The following SPOCK2 variants were observed in gnomAD, a reference collection of about 807,000 sequenced individuals.
SPOCK2 encodes the protein testican-2.
Under a neutral mutation model 60.1 loss-of-function variants are expected in SPOCK2, and 39 were observed. The ratio of observed to expected loss-of-function variants is 0.65; its 90% confidence interval spans 0.50 to 0.85. The LOEUF (loss-of-function observed/expected upper bound fraction) is 0.85. Ranked by LOEUF, SPOCK2 falls within the 40% of genes least tolerant of loss-of-function variation. The pLI is 0.00. For synonymous variants in SPOCK2, 217 were observed against 231.5 expected (o/e 0.94, Z 0.57); for missense variants, 523 against 567.4 (o/e 0.92, Z 0.80).
chr10:72,067,158 T>TGAATAGCCAG, intron 7 of SPOCK2, 38 bp from the exon 8 acceptor site: 1 of 1,577,638 alleles, frequency 6.3e-7, no homozygotes, highest in Non-Finnish European at 8.6e-7. Context: ...TTCATCTGGC[T>TGAATAGCCAG]ATTCAGCCGT....
At position 72,073,239 on chromosome 10, in the gene SPOCK2, G is replaced by A. The variant is rs115095617; in HGVS notation, c.190-329C>T. On this transcript the variant is annotated intron_variant, in intron 1 of 10. Coordinates refer to ENST00000373109, the MANE Select transcript of SPOCK2 (RefSeq NM_001244950.2). ...CAGATGTCCGAGGTGCCCATGCTGC[G>A]TAGGAACAGAGCTTCTCATGCCTAT... is the stretch of plus-strand genomic sequence containing the variant. Among the ~76,000 whole-genome samples, 1,084 of 152,280 alleles carry A rather than the reference G, an allele frequency of 7.1e-3. 10 individuals are homozygous for A. Among genetic ancestry groups the A allele is most frequent in the African/African-American group, 0.025 (1,023 of 41,552 alleles).
At chr10:72,069,506 G>C (rs1394003885) in intron 5 of SPOCK2, among the ~76,000 whole-genome samples, 1 of 137,186 alleles carries the variant, frequency 7.3e-6, no homozygotes, top group South Asian at 2.3e-4. Flanking sequence ...GTCTCACTCT[G>C]TCACCCAGGC....
rs1282302454 is a variant in SPOCK2 at position 72,072,239 on chromosome 10, G to T, written c.264C>A (p.Asp88Glu). ...GGCTGCACTTCACCTTCTGGCAGGGGTCCTTGGTGGTATCCAGGGCTGCAG... is the reference window on the plus strand; with the variant it reads ...GGCTGCACTTCACCTTCTGGCAGGGTTCCTTGGTGGTATCCAGGGCTGCAG... ...QGDEALDTTK[D>E]PCQKVKCSRH... is the part of the protein sequence containing the mutation. Residue 88 changes from aspartate (D) to glutamate (E), a missense_variant, in exon 4 of 11, where the codon GAC (aspartate) becomes GAA (glutamate). Physicochemically the swap from Asp to Glu is conservative, Grantham distance 45. Coordinates refer to ENST00000373109, the MANE Select transcript of SPOCK2 (RefSeq NM_001244950.2). 1 of 1,541,244 alleles carries T rather than the reference G, an allele frequency of 6.5e-7. No individual in the cohort carries two copies. Among genetic ancestry groups the T allele is most frequent in the South Asian group, 1.2e-5 (1 of 81,566 alleles).
intron 1 of SPOCK2, among the ~76,000 whole-genome samples, chr10:72,083,198 C>T (rs1959033091): frequency 6.6e-6 from 1 of 152,186 alleles, no homozygotes; most frequent in African/African-American, 2.4e-5. Context: ...CAGGTACTTT[C>T]TCTGGAGAAA....
At chr10:72,076,926 C>G (rs993581148) in intron 1 of SPOCK2, among the ~76,000 whole-genome samples, 19 of 152,176 alleles carry the variant, frequency 1.2e-4, no homozygotes, top group African/African-American at 4.6e-4. Flanking sequence ...TCCCACCCCA[C>G]AAGTTAGAGT....
intron 1 of SPOCK2, among the ~76,000 whole-genome samples, chr10:72,083,074 TAAGA>T (rs1355262549): frequency 6.6e-6 from 1 of 152,160 alleles, no homozygotes; most frequent in African/African-American, 2.4e-5. Flanking sequence ...CAGCCCACGC[TAAGA>T]GAGATGATAC....
At chr10:72,079,816 C>T (rs1233940919) in intron 1 of SPOCK2, among the ~76,000 whole-genome samples, 2 of 152,062 alleles carry the variant, frequency 1.3e-5, no homozygotes, top group African/African-American at 2.4e-5. Flanking sequence ...GACCTCACCC[C>T]CTACACCCCT....
intron 1 of SPOCK2, chr10:72,086,784 G>A: frequency 6.7e-7 from 1 of 1,496,258 alleles, no homozygotes; most frequent in Non-Finnish European, 8.9e-7. Context: ...CAACCTGCCA[G>A]TTTGACTTTG....
intron 1 of SPOCK2, among the ~76,000 whole-genome samples, chr10:72,077,463 T>C (rs946452526): frequency 3.9e-5 from 6 of 152,150 alleles, no homozygotes; most frequent in African/African-American, 1.2e-4. Context: ...AGCACGCACA[T>C]GCTACCTGAG....
At chr10:72,084,949 CATAAAT>C (rs1840835631) in intron 1 of SPOCK2, among the ~76,000 whole-genome samples, 1 of 152,106 alleles carries the variant, frequency 6.6e-6, no homozygotes, top group Non-Finnish European at 1.5e-5. Flanking sequence ...GTTAGACACT[CATAAAT>C]ATAATGAAAA....
intron 1 of SPOCK2, among the ~76,000 whole-genome samples, chr10:72,083,595 G>A (rs549325378): frequency 6.6e-5 from 10 of 152,182 alleles, no homozygotes; most frequent in Non-Finnish European, 5.9e-5. Flanking sequence ...TGCTAGACTG[G>A]AGTAGCATAT....
chr10:72,084,162 C>T (rs1840824540), intron 1 of SPOCK2, among the ~76,000 whole-genome samples: 1 of 152,214 alleles, frequency 6.6e-6, no homozygotes, highest in South Asian at 2.1e-4. Flanking sequence ...TAACGTCTTT[C>T]TCACAGGGAC....
intron 1 of SPOCK2, among the ~76,000 whole-genome samples, chr10:72,076,130 G>C (rs1337680880): frequency 6.6e-6 from 1 of 152,168 alleles, no homozygotes; most frequent in Admixed American, 6.5e-5. Context: ...CATGGGGACA[G>C]CAGAGACCAG....
chr10:72,078,331 G>C (rs1023404957), intron 1 of SPOCK2, among the ~76,000 whole-genome samples: 2 of 151,958 alleles, frequency 1.3e-5, no homozygotes, highest in African/African-American at 4.8e-5. Context: ...GGATAACACG[G>C]TAAAACCCCA....
intron 8 of SPOCK2, 60 bp from the exon 9 acceptor site, chr10:72,064,300 A>T: frequency 6.7e-7 from 1 of 1,485,506 alleles, no homozygotes; most frequent in Non-Finnish European, 8.9e-7. Context: ...GGATGCACTG[A>T]GCCCTTCAAG....
At position 72,062,822 on chromosome 10, in the gene SPOCK2, C is replaced by T. The variant is rs767970958; in HGVS notation, c.1213G>A (p.Glu405Lys). The T allele has an allele frequency of 8.7e-6, 14 of 1,610,084 alleles. 1 individual carries two copies. The South Asian group carries it at 9.9e-5, about 11-fold the overall frequency. ...TCGCCCTCCTCCTCCTCGGCCTCCT[C>T]GCCTGCTTCCTCCGTCTCCTTCTCC... ...EEEKETEEAG[E>K]EAEEEEGEAG... Residue 405 changes from glutamate to lysine, a missense_variant, in exon 11 of 11, where the codon GAG becomes AAG. Physicochemically the swap from Glu to Lys is moderately conservative, Grantham distance 56. Coordinates refer to ENST00000373109, the MANE Select transcript of SPOCK2 (RefSeq NM_001244950.2). This position sits in a 1 kb window ranked among gnomAD's most constrained non-coding sequence, Gnocchi z 4.3.
At chr10:72,088,621 T>TAAA (rs34679894), upstream of SPOCK2, 2,790 of 181,954 alleles carry the variant, frequency 0.015, 113 homozygotes, top group African/African-American at 0.069. Flanking sequence ...ATACCTGGTT[T>TAAA]AAAAAAAAAA....
chr10:72,073,018 C>T, intron 1 of SPOCK2, 108 bp from the exon 2 acceptor site: 3 of 1,491,228 alleles, frequency 2.0e-6, no homozygotes, highest in South Asian at 2.4e-5. Flanking sequence ...GGGTCCCCTG[C>T]CTCATCATGT....
intron 1 of SPOCK2, among the ~76,000 whole-genome samples, chr10:72,085,870 C>A (rs1461270842): frequency 6.6e-6 from 1 of 152,210 alleles, no homozygotes; most frequent in Non-Finnish European, 1.5e-5. Context: ...CTTCTTCTGG[C>A]AGAAGAGGGA....
Sources: gnomAD v4.1 joint callset for allele counts (sites outside exome capture counted in the v4.1 genomes callset) on GRCh38, gnomAD v4.1.1 for gene constraint, Gnocchi (gnomAD v3.1) non-coding constraint, MANE v1.5 for transcripts, NCBI Gene and HGNC (gene_info 2026-07-23, HGNC 2026-07-21) for gene names.